Variants in KAZN observed in about 807,000 individuals in gnomAD.
KAZN encodes kazrin.
A neutral mutation model predicts 87.4 loss-of-function variants in KAZN; 40 were observed. That is an observed-to-expected ratio of 0.46 (90% confidence interval 0.36 to 0.60). KAZN has a LOEUF of 0.60. Among genes scored for constraint, KAZN ranks in the 20% least tolerant of loss-of-function variants. The probability of loss-of-function intolerance (pLI) is 0.00; values close to 1 mark genes in which losing one functional copy is unlikely to be tolerated. For synonymous variants in KAZN, 466 were observed against 458.3 expected, an observed-to-expected ratio of 1.02 and a Z score of -0.22; for missense variants, 898 against 1,073.9, an observed-to-expected ratio of 0.84 and a Z score of 2.29.
At chr1:14,627,099 AG>A (rs1298269212) in intron 1 of KAZN, among the ~76,000 whole-genome samples, 2 of 152,034 alleles carry the variant, frequency 1.3e-5, no homozygotes. Flanking sequence ...GGAAAGACAC[AG>A]TAACCAAATA....
intron 1 of KAZN, among the ~76,000 whole-genome samples, chr1:13,990,823 G>A (rs769430936): frequency 6.6e-6 from 1 of 152,186 alleles, no homozygotes; most frequent in Non-Finnish European, 1.5e-5. Flanking sequence ...TAAAGCAAGT[G>A]CAATAAATGT....
rs77341677 is a variant in KAZN, at chr1:14,584,347, C to T, written c.250-14636C>T. On this transcript the variant is annotated intron_variant, in intron 2 of 16. Transcript: ENST00000636203. ...AGGTAAGCCCGGAGTTGCCTTTGGC[C>T]GTGTTGTTCAAGCCTTCTCTGGGTG... Among the ~76,000 whole-genome samples, 954 of 152,240 alleles carry T rather than the reference C, an allele frequency of 6.3e-3. 6 individuals carry two copies. The highest frequency in any genetic ancestry group is 0.022 in the South Asian group (105 of 4,814).
chr1:14,679,716 A>G (rs377400023), intron 1 of KAZN, among the ~76,000 whole-genome samples: 49 of 152,286 alleles, frequency 3.2e-4, no homozygotes, highest in African/African-American at 1.2e-3. Flanking sequence ...CAGCATCCCC[A>G]TTGTTCAGAT....
chr1:14,225,125 C>T (rs1464555627), intron 2 of KAZN, among the ~76,000 whole-genome samples: 1 of 152,062 alleles, frequency 6.6e-6, no homozygotes, highest in Non-Finnish European at 1.5e-5. Context: ...TGTTTGCAGA[C>T]AATATAATTT....
chr1:14,171,964 T>A (rs1645963481), intron 1 of KAZN, among the ~76,000 whole-genome samples: 1 of 147,904 alleles, frequency 6.8e-6, no homozygotes, highest in South Asian at 2.2e-4. Context: ...TCAAAGCGTG[T>A]CATTTTTTTC....
intron 8 of KAZN, among the ~76,000 whole-genome samples, chr1:15,092,842 C>T (rs1316554225): frequency 6.6e-6 from 1 of 152,012 alleles, no homozygotes; most frequent in African/African-American, 2.4e-5. Context: ...TCTCTGTAAC[C>T]TGAACTTTTC....
At chr1:15,086,789 A>G (rs1640278682) in intron 8 of KAZN, among the ~76,000 whole-genome samples, 1 of 152,236 alleles carries the variant, frequency 6.6e-6, no homozygotes, top group Non-Finnish European at 1.5e-5. Context: ...GGATGGCATT[A>G]GGATATTGAA....
At chr1:15,026,841 G>C (rs559358934) in intron 2 of KAZN, among the ~76,000 whole-genome samples, 2 of 152,194 alleles carry the variant, frequency 1.3e-5, no homozygotes, top group South Asian at 4.1e-4. Context: ...ATTGTATAAA[G>C]TATTATAGGT....
At chr1:14,989,775 T>C (rs1382987524) in intron 2 of KAZN, among the ~76,000 whole-genome samples, 9 of 152,170 alleles carry the variant, frequency 5.9e-5, no homozygotes, top group Non-Finnish European at 8.8e-5. Flanking sequence ...GTGCTGACCA[T>C]CCACCTCCTC....
At chr1:14,441,926 G>A (rs1166838955) in intron 2 of KAZN, among the ~76,000 whole-genome samples, 2 of 152,208 alleles carry the variant, frequency 1.3e-5, no homozygotes, top group Non-Finnish European at 2.9e-5. Flanking sequence ...GTAACCTTCT[G>A]AGCCTTAATT....
chr1:15,055,599 A>C (rs1674864801), intron 4 of KAZN, among the ~76,000 whole-genome samples: 1 of 152,232 alleles, frequency 6.6e-6, no homozygotes, highest in African/African-American at 2.4e-5. Flanking sequence ...ATGTGACAAA[A>C]GTCAGACAGA....
rs553366134 is a variant in KAZN, at chr1:14,075,917, C to T, written c.92-104518C>T. Among the ~76,000 whole-genome samples, 4 of 152,226 alleles carry T rather than the reference C, an allele frequency of 2.6e-5. No homozygotes were observed. In the East Asian group the frequency reaches 5.8e-4, roughly 22 times the overall value. On this transcript the variant is annotated intron_variant, in intron 1 of 16. Coordinates refer to the KAZN transcript ENST00000636203. ...TAACCCCTAGGACCTTGGAATGTGA[C>T]CTTATTTAAAAAGAGGGCTCTTGCA...
At chr1:14,348,863 A>G (rs1171402508) in intron 2 of KAZN, 2 of 152,246 alleles carry the variant, frequency 1.3e-5, no homozygotes, top group South Asian at 2.1e-4. Context: ...CAAAGGTTCT[A>G]CCTGATGTGT....
chr1:15,014,546 C>T (rs893427584), intron 2 of KAZN, among the ~76,000 whole-genome samples: 6 of 152,112 alleles, frequency 3.9e-5, no homozygotes, highest in African/African-American at 1.5e-4. Flanking sequence ...TCTCGTGGCA[C>T]GGCATTTCCA....
chr1:15,060,406 C>A, intron 6 of KAZN, 104 bp downstream of exon 6: 2 of 1,419,964 alleles, frequency 1.4e-6, no homozygotes, highest in Non-Finnish European at 9.8e-7. Flanking sequence ...TCTCGTCCAC[C>A]CAGGGAGCAC....
chr1:13,933,282 C>T (rs768544443), intron 1 of KAZN, among the ~76,000 whole-genome samples: 1 of 151,950 alleles, frequency 6.6e-6, no homozygotes, highest in Non-Finnish European at 1.5e-5. Context: ...CACATGAGGT[C>T]AGGAGTTCGA....
intron 2 of KAZN, among the ~76,000 whole-genome samples, chr1:14,421,269 T>G (rs981162312): frequency 1.1e-4 from 17 of 152,194 alleles, no homozygotes; most frequent in Admixed American, 3.3e-4. Context: ...GAATGGTTCT[T>G]GAATAGTAGA....
At position 14,358,069 on chromosome 1, in the gene KAZN, G is replaced by A. The variant is rs1311876514; in HGVS notation, c.249+177477G>A. ...ATCTGCTCCTGGGCTTTTTTTGGTT[G>A]GTAGGCTATTACTGCCTCAATTTCA... On this transcript the variant is annotated intron_variant, in intron 2 of 16. Coordinates refer to the KAZN transcript ENST00000636203. Among the ~76,000 whole-genome samples the A allele has an allele frequency of 3.9e-5, 6 of 151,902 alleles. No individual in the cohort carries two copies. The South Asian group carries it at 1.0e-3, about 26-fold the overall frequency.
intron 2 of KAZN, among the ~76,000 whole-genome samples, chr1:14,371,108 G>A (rs1660444445): frequency 6.6e-6 from 1 of 152,162 alleles, no homozygotes; most frequent in African/African-American, 2.4e-5. Context: ...GTGTGCATCA[G>A]AAACACCTGG....
Sources: gnomAD v4.1 joint callset for allele counts (sites outside exome capture counted in the v4.1 genomes callset) on GRCh38, gnomAD v4.1.1 for gene constraint, MANE v1.5 for transcripts, NCBI Gene and HGNC (gene_info 2026-07-23, HGNC 2026-07-21) for gene names.